THOC5: variants seen among roughly 807,000 people sequenced by gnomAD.
The protein encoded by THOC5 is Fms-interacting protein.
THOC5 carries 43 observed loss-of-function variants against 92.9 expected under a neutral mutation model. The ratio of observed to expected loss-of-function variants is 0.46; its 90% CI spans 0.36 to 0.60. The LOEUF (loss-of-function observed/expected upper bound fraction) is 0.60. THOC5 is among the 20% of genes least tolerant of loss of function. The probability of loss-of-function intolerance (pLI) is 0.00; values close to 1 mark genes in which losing one functional copy is unlikely to be tolerated. For missense variants in THOC5, 659 were observed against 849.4 expected (o/e 0.78, Z 2.79); for synonymous variants, 296 against 320.1 (o/e 0.92, Z 0.80).
intron 6 of THOC5, among the ~76,000 whole-genome samples, chr22:29,538,005 C>T (rs935149457): frequency 6.6e-6 from 1 of 152,080 alleles, no homozygotes; most frequent in Non-Finnish European, 1.5e-5. Flanking sequence ...TTTTTTGAGA[C>T]GGAGTCTCAT....
chr22:29,542,616 T>A (rs1024516699), intron 5 of THOC5, among the ~76,000 whole-genome samples: 4 of 151,958 alleles, frequency 2.6e-5, no homozygotes, highest in Admixed American at 6.6e-5. Flanking sequence ...ATACAAAAAT[T>A]AGCTGGATGT....
At chr22:29,513,767 G>A (rs1657834012) in intron 17 of THOC5, 1 of 152,160 alleles carries the variant, frequency 6.6e-6, no homozygotes, top group South Asian at 2.1e-4. Context: ...GCAGGCTGAG[G>A]CAGAAGGATG....
chr22:29,509,275 C>CA (rs59981269), intron 19 of THOC5, among the ~76,000 whole-genome samples: 881 of 70,546 alleles, frequency 0.012, 8 homozygotes, highest in Non-Finnish European at 0.017. Context: ...GACTCTGTCT[C>CA]AAAAAAAAAA....
At position 29,528,580 on chromosome 22, in the gene THOC5, C is replaced by A. The variant is rs140842329; in HGVS notation, c.926-114G>T. On this transcript the variant is annotated intron_variant, in intron 9 of 19. Coordinates refer to ENST00000490103, the MANE Select transcript of THOC5 (RefSeq NM_003678.5). The stretch of plus-strand genomic sequence containing the variant: ...GACTCTGTCTTTTGTAAATAAGTTT[C>A]TCTGTAATAAATAATAAATTAACTT... 3,662 of 996,800 alleles carry A rather than the reference C, an allele frequency of 3.7e-3. 13 individuals carry two copies. The highest frequency in any genetic ancestry group is 4.9e-3 in the Non-Finnish European group (3,209 of 650,412). 61.7% of individuals were successfully genotyped at this position (996,800 alleles called of 1,614,324 possible). A position where few individuals can be genotyped will look rare whatever the true frequency, so the allele number is the denominator to read the frequency against.
chr22:29,512,422 C>A (rs897979933), intron 17 of THOC5, among the ~76,000 whole-genome samples: 1 of 152,202 alleles, frequency 6.6e-6, no homozygotes, highest in Non-Finnish European at 1.5e-5. Context: ...TCCATGAGTT[C>A]TATTTGCTAC....
At chr22:29,541,883 A>T (rs28623384) in intron 5 of THOC5, among the ~76,000 whole-genome samples, 2 of 80,824 alleles carry the variant, frequency 2.5e-5, no homozygotes, top group South Asian at 4.3e-4. Context: ...AAAAAAAAAA[A>T]AAAAAAAAAA....
intron 2 of THOC5, among the ~76,000 whole-genome samples, chr22:29,547,915 A>C (rs1217639600): frequency 6.6e-6 from 1 of 152,244 alleles, no homozygotes; most frequent in African/African-American, 2.4e-5. Context: ...AAGAGGTTTA[A>C]TTGGACTTAA....
At chr22:29,536,545 G>A (rs2063763522) in intron 7 of THOC5, 79 bp downstream of exon 7, 2 of 849,264 alleles carry the variant, frequency 2.4e-6, no homozygotes, top group Non-Finnish European at 4.1e-6. Flanking sequence ...AATAGACCTG[G>A]CAAAGCCCAA....
chr22:29,519,710 G>T (rs1271114544), intron 14 of THOC5, among the ~76,000 whole-genome samples: 1 of 149,356 alleles, frequency 6.7e-6, no homozygotes, highest in Non-Finnish European at 1.5e-5. Flanking sequence ...TCAGCTCACC[G>T]CAACCTCTGC....
At chr22:29,530,132 G>C (rs2063622730) in intron 8 of THOC5, among the ~76,000 whole-genome samples, 1 of 147,406 alleles carries the variant, frequency 6.8e-6, no homozygotes. Flanking sequence ...AACAGAGTGA[G>C]ACTCTGTCTC....
rs2063159138 is a variant in THOC5 at position 29,508,385 on chromosome 22, G to A, written c.*72C>T. ...TTGGAGAATATCAAGAGTCACATGT[G>A]GGCCAGAGCAGAAAGCAGAAGCCCA... On this transcript the variant is annotated 3_prime_UTR_variant, in exon 20 of 20. Transcript: ENST00000490103. 1.4e-6 allele frequency: 2 copies of A among 1,454,002 alleles called. No homozygotes were observed. 90.1% of individuals were successfully genotyped at this position (1,454,002 alleles called of 1,614,324 possible).
At position 29,517,264 on chromosome 22, in the gene THOC5, A is replaced by G. The variant is rs868103810; in HGVS notation, c.1592T>C (p.Met531Thr). The change falls in exon 16 of 20, where the codon ATG (methionine) becomes ACG (threonine). Residue 531 changes from methionine (M) to threonine (T), a missense_variant and splice_region_variant. Coordinates refer to ENST00000490103, the MANE Select transcript of THOC5 (RefSeq NM_003678.5). ...GTAACTTGTCACTCCTTCACCTACC[A>G]TGTAATCCTCATGGGCAACTGTCAC... ...KWVTVAHEDY[M>T]ELHFTKDIVD... 1 of 1,613,886 alleles carries G rather than the reference A, an allele frequency of 6.2e-7. No homozygotes were observed. The highest frequency in any genetic ancestry group is 1.7e-5 in the Admixed American group (1 of 59,982).
chr22:29,543,465 G>A lies in THOC5; in HGVS notation c.318C>T (p.His106=). 6.2e-7 allele frequency: 1 copy of A among 1,612,990 alleles called. No individual in the cohort carries two copies. The highest frequency in any genetic ancestry group is 2.2e-5 in the East Asian group (1 of 44,820). The change falls in exon 4 of 20, where the codon CAC becomes CAT. Residue 106 remains histidine, a synonymous_variant. Coordinates refer to ENST00000490103, the MANE Select transcript of THOC5 (RefSeq NM_003678.5). ...MTLKKLNRLA[H]IRLKKGRDQT... is the part of the protein sequence containing the mutation. Reference sequence around the variant, plus strand: ...GATCTCTTCCTTTCTTCAACCTGATGTGGGCTAATCGGTTAAGCTTCTTTA... The same window carrying A: ...GATCTCTTCCTTTCTTCAACCTGATATGGGCTAATCGGTTAAGCTTCTTTA...
chr22:29,521,056 C>T lies in THOC5; in HGVS notation c.1219G>A (p.Gly407Arg). 4 of 1,614,136 alleles carry T rather than the reference C, an allele frequency of 2.5e-6. No homozygotes were observed. Among genetic ancestry groups the T allele is most frequent in the Non-Finnish European group, 2.5e-6 (3 of 1,180,022 alleles). The change falls in exon 13 of 20, where the codon GGG (glycine) becomes AGG (arginine). Residue 407 changes from glycine to arginine, a missense_variant. Transcript: ENST00000490103. ...TTCGGAGTTTTCTTTCCATGATCCC[C>T]AGGATACAAGCAACTCAGGACTGAG... ...PDSVLSCLYP[G>R]DHGKKTPNPA... is the part of the protein sequence containing the mutation.
At chr22:29,552,948 CG>C (rs1430148515) in intron 1 of THOC5, among the ~76,000 whole-genome samples, 2 of 152,294 alleles carry the variant, frequency 1.3e-5, no homozygotes, top group Non-Finnish European at 2.9e-5. Context: ...CCCCCAACCC[CG>C]TGCTCTCTGA....
intron 6 of THOC5, among the ~76,000 whole-genome samples, chr22:29,538,315 A>G (rs946953746): frequency 6.6e-6 from 1 of 152,176 alleles, no homozygotes; most frequent in African/African-American, 2.4e-5. Context: ...AAATGGAAAC[A>G]ACCTAAAATC....
chr22:29,520,924 C>G (rs1427751989), intron 13 of THOC5, 74 bp downstream of exon 13: 1 of 1,172,376 alleles, frequency 8.5e-7, no homozygotes, highest in East Asian at 2.3e-5. Context: ...CCTAACAGGT[C>G]TCCAGCATTT....
Position 29,542,845 on chromosome 22 carries a change from C to G in THOC5, c.452+14G>C, listed in dbSNP as rs1219133365. 1.9e-6 allele frequency: 3 copies of G among 1,591,640 alleles called. No homozygotes were observed. The highest frequency in any genetic ancestry group is 1.7e-5 in the Admixed American group (1 of 59,648). On this transcript the variant is annotated intron_variant, in intron 5 of 19. Transcript: ENST00000490103. The stretch of plus-strand genomic sequence containing the variant: ...AAGACCACATGTGCCAAAGCCCTGT[C>G]CTCCCAAACTCACTTAAACTCCAAA...
intron 2 of THOC5, among the ~76,000 whole-genome samples, chr22:29,548,746 C>A (rs1335050565): frequency 6.6e-6 from 1 of 152,152 alleles, no homozygotes; most frequent in African/African-American, 2.4e-5. Context: ...CAGTGCCATG[C>A]TGCAGATGGA....
Sources: gnomAD v4.1 joint callset for allele counts (sites outside exome capture counted in the v4.1 genomes callset) on GRCh38, gnomAD v4.1.1 for gene constraint, MANE v1.5 for transcripts, NCBI Gene and HGNC (gene_info 2026-07-23, HGNC 2026-07-21) for gene names.